The following ACOX2 variants were observed in gnomAD, a reference collection of about 807,000 sequenced individuals.
ACOX2 encodes the protein acyl-CoA oxidase 2.
In ACOX2, 59 loss-of-function variants were observed where a neutral mutation model predicts 77.5. The observed-to-expected ratio is 0.76, with a 90% CI of 0.62 to 0.95. ACOX2 has a LOEUF of 0.95. Among genes scored for constraint, ACOX2 ranks in the 40% least tolerant of loss-of-function variants. The pLI, the probability that ACOX2 is intolerant of heterozygous loss-of-function variation, is 0.00. For synonymous variants in ACOX2, 317 were observed against 340.1 expected (o/e 0.93, Z 0.75); for missense variants, 837 against 880.4 (o/e 0.95, Z 0.62).
chr3:58,513,505 A>G (rs891472233), intron 13 of ACOX2, among the ~76,000 whole-genome samples: 1 of 151,718 alleles, frequency 6.6e-6, no homozygotes, highest in African/African-American at 2.4e-5. Flanking sequence ...TGAGTTTTTC[A>G]TTTCCATTAT....
chr3:58,534,461 A>T lies in ACOX2; in HGVS notation c.222T>A (p.Asn74Lys). 1 of 1,614,176 alleles carries T rather than the reference A, an allele frequency of 6.2e-7. No homozygotes were observed. The highest frequency in any genetic ancestry group is 1.1e-5 in the South Asian group (1 of 91,080). Reference sequence around the variant, plus strand: ...TCCGCATGGCAGCCTTATAACGCTCATTCTGGGTCATGAAATAATTGTCCT... The same window carrying T: ...TCCGCATGGCAGCCTTATAACGCTCTTTCTGGGTCATGAAATAATTGTCCT... Reference protein sequence around the residue: ...SCKDNYFMTQNERYKAAMRRA... With the variant: ...SCKDNYFMTQKERYKAAMRRA... The change falls in exon 3 of 15, where the codon AAT becomes AAA. Residue 74 changes from asparagine to lysine, a missense_variant. By Grantham distance (94) the Asn-to-Lys change is moderately conservative (BLOSUM62 0). Transcript: ENST00000302819. This position sits in a 1 kb window ranked among gnomAD's most constrained non-coding sequence, Gnocchi z 4.8.
chr3:58,517,766 C>T (rs1576991351), intron 12 of ACOX2, among the ~76,000 whole-genome samples: 6 of 152,198 alleles, frequency 3.9e-5, no homozygotes, highest in Admixed American at 3.9e-4. Context: ...GACAGCACCA[C>T]TGTTCTTAAG....
At position 58,534,737 on chromosome 3, in the gene ACOX2, C is replaced by A; in HGVS notation, c.160+210G>T. The A allele has an allele frequency of 3.7e-6, 5 of 1,349,556 alleles. No homozygotes were observed. Among genetic ancestry groups the A allele is most frequent in the Non-Finnish European group, 5.1e-6 (5 of 972,312 alleles). 83.6% of individuals were successfully genotyped at this position (1,349,556 alleles called of 1,614,324 possible). On this transcript the variant is annotated intron_variant, in intron 2 of 14. Transcript: ENST00000302819. The surrounding 1 kb of genome is among the most constrained non-coding windows in gnomAD (Gnocchi z 4.8). Reference sequence around the variant, plus strand: ...ATTTTAGGACCAGAATCCAGGTCTTCTGCTGCCTAGGACTCTTCTATCCCC... The same window carrying A: ...ATTTTAGGACCAGAATCCAGGTCTTATGCTGCCTAGGACTCTTCTATCCCC...
intron 13 of ACOX2, chr3:58,511,357 G>A: frequency 2.8e-6 from 1 of 357,862 alleles, no homozygotes; most frequent in Non-Finnish European, 5.5e-6. Flanking sequence ...GTCCTGGCTG[G>A]ATGCTACTCT....
In ACOX2 at chr3:58,522,808, A is replaced by G; in HGVS notation, c.1527-207T>C. The G allele has an allele frequency of 1.9e-6, 1 of 524,090 alleles. No homozygotes were observed. Among genetic ancestry groups the G allele is most frequent in the Non-Finnish European group, 3.4e-6 (1 of 290,532 alleles). The allele number at this position is 524,090 out of a possible 1,614,324, so 32.5% of individuals were successfully genotyped here. On this transcript the variant is annotated intron_variant, in intron 11 of 14. Coordinates refer to ENST00000302819, the MANE Select transcript of ACOX2 (RefSeq NM_003500.4). The surrounding 1 kb of genome is among the most constrained non-coding windows in gnomAD (Gnocchi z 4.3). ...TGCAATGGGGAAAACTGAGTCCCAG[A>G]GAGGTTAACCAATTTGTCCAGGGTC...
chr3:58,528,795 T>C lies in ACOX2; in HGVS notation c.1154A>G (p.Glu385Gly), dbSNP rs1199618671. ...ILNQDFSFLP[E>G]LHALSTGMKA... ...TGCCCCTCCGCAGACAGCAGGTACC[T>C]CAGGCAGGAAGCTGAAGTCTTGGTT... The change falls in exon 9 of 15, where the codon GAG becomes GGG. Residue 385 changes from glutamate (E) to glycine (G), a missense_variant and splice_region_variant. Physicochemically the swap from Glu to Gly is moderately conservative, Grantham distance 98 (BLOSUM62 -2). Coordinates refer to ENST00000302819, the MANE Select transcript of ACOX2 (RefSeq NM_003500.4). This position sits in a 1 kb window ranked among gnomAD's most constrained non-coding sequence, Gnocchi z 5.6. 2 of 1,607,096 alleles carry C rather than the reference T, an allele frequency of 1.2e-6. No homozygotes were observed. Among genetic ancestry groups the C allele is most frequent in the Admixed American group, 3.4e-5 (2 of 59,040 alleles).
Position 58,522,516 on chromosome 3 carries a change from T to C in ACOX2, c.1612A>G (p.Ile538Val), listed in dbSNP as rs778819348. Residue 538 changes from isoleucine (I) to valine (V), a missense_variant, in exon 12 of 15, where the codon ATA becomes GTA. Transcript: ENST00000302819. This position sits in a 1 kb window ranked among gnomAD's most constrained non-coding sequence, Gnocchi z 4.3. ...QHEAWNQTTVIHLQAAKVHCY... is the reference protein window; with the variant it reads ...QHEAWNQTTVVHLQAAKVHCY... ...CTCACCTTAGCAGCCTGGAGGTGTA[T>C]GACAGTGGTCTGGTTCCAAGCCTCG... 2 of 1,614,180 alleles carry C rather than the reference T, an allele frequency of 1.2e-6. No homozygotes were observed. The highest frequency in any genetic ancestry group is 4.5e-5 in the East Asian group (2 of 44,880).
chr3:58,524,725 G>T lies in ACOX2; in HGVS notation c.1347-120C>A. On this transcript the variant is annotated intron_variant, in intron 10 of 14. Coordinates refer to ENST00000302819, the MANE Select transcript of ACOX2 (RefSeq NM_003500.4). The surrounding 1 kb of genome is among the most constrained non-coding windows in gnomAD (Gnocchi z 5.5). ...TTCCAGCCTTCCCGTGGGAGAGCCA[G>T]GTCACCAGGCCTCTGCCTGGCCTCC... The T allele has an allele frequency of 8.7e-7, 1 of 1,147,952 alleles. No homozygotes were observed. Among genetic ancestry groups the T allele is most frequent in the Non-Finnish European group, 1.2e-6 (1 of 821,418 alleles). The allele number at this position is 1,147,952 out of a possible 1,614,324, so 71.1% of individuals were successfully genotyped here. A position where few individuals can be genotyped will look rare whatever the true frequency, so the allele number is the denominator to read the frequency against.
chr3:58,525,379 G>T lies in ACOX2; in HGVS notation c.1347-774C>A, dbSNP rs2108002570. ...GCATAGGGAAGCATTTGCCCTGTTT[G>T]TTCACCTGAGAATAGGTGAGGATGA... On this transcript the variant is annotated intron_variant, in intron 10 of 14. Coordinates refer to ENST00000302819, the MANE Select transcript of ACOX2 (RefSeq NM_003500.4). This position sits in a 1 kb window ranked among gnomAD's most constrained non-coding sequence, Gnocchi z 5.0. Among the ~76,000 whole-genome samples the T allele has an allele frequency of 6.6e-6, 1 of 152,320 alleles. No individual in the cohort carries two copies. The highest frequency in any genetic ancestry group is 6.5e-5 in the Admixed American group (1 of 15,308).
At position 58,523,693 on chromosome 3, in the gene ACOX2, C is replaced by T. The variant is rs144279980; in HGVS notation, c.1526+733G>A. On this transcript the variant is annotated intron_variant, in intron 11 of 14. Transcript: ENST00000302819. This position sits in a 1 kb window ranked among gnomAD's most constrained non-coding sequence, Gnocchi z 5.3. The stretch of plus-strand genomic sequence containing the variant: ...CAAACTCCTGAGCTCAAGCAATCCG[C>T]CCACCTCGACCTCCCAAAGTGCTGG... 2.3e-3 allele frequency among the ~76,000 whole-genome samples: 346 copies of T among 152,240 alleles called. 2 individuals are homozygous for T. The highest frequency in any genetic ancestry group is 8.0e-3 in the African/African-American group (333 of 41,540).
At chr3:58,511,242 CAG>C (rs2063285124) in intron 13 of ACOX2, 2 of 325,492 alleles carry the variant, frequency 6.1e-6, no homozygotes, top group African/African-American at 2.2e-5. Flanking sequence ...AAATTCCCCT[CAG>C]GGGTAAAAAG....
Position 58,522,731 on chromosome 3 carries a change from G to T in ACOX2, c.1527-130C>A. ...CCACTTATGTGCCATAAAGCTAAAT[G>T]ATTGATATTTATTATCTTTTTAACT... On this transcript the variant is annotated intron_variant, in intron 11 of 14. Transcript: ENST00000302819. The surrounding 1 kb of genome is among the most constrained non-coding windows in gnomAD (Gnocchi z 4.3). 1.3e-6 allele frequency: 1 copy of T among 784,616 alleles called. No homozygotes were observed. The highest frequency in any genetic ancestry group is 2.1e-6 in the Non-Finnish European group (1 of 474,406). 48.6% of individuals were successfully genotyped at this position (784,616 alleles called of 1,614,324 possible).
Position 58,533,377 on chromosome 3 carries a change from T to G in ACOX2, c.583+68A>C. On this transcript the variant is annotated intron_variant, in intron 5 of 14. Coordinates refer to ENST00000302819, the MANE Select transcript of ACOX2 (RefSeq NM_003500.4). The surrounding 1 kb of genome is among the most constrained non-coding windows in gnomAD (Gnocchi z 5.6). ...GAGGTCTGTTGGACCTCAAAGCCAG[T>G]GCTACTCTGCCCTCCAACATTCTTC... is the stretch of plus-strand genomic sequence containing the variant. 7.7e-6 allele frequency: 11 copies of G among 1,428,590 alleles called. No homozygotes were observed. Among genetic ancestry groups the G allele is most frequent in the Non-Finnish European group, 1.1e-5 (11 of 1,018,934 alleles). The allele number at this position is 1,428,590 out of a possible 1,614,324, so 88.5% of individuals were successfully genotyped here.
rs1035555811 is a variant in ACOX2, at chr3:58,519,900, C to G, written c.1633-2477G>C. On this transcript the variant is annotated intron_variant, in intron 12 of 14. Transcript: ENST00000302819. This position sits in a 1 kb window ranked among gnomAD's most constrained non-coding sequence, Gnocchi z 5.0. ...GAACTGCGGACCCGCACTCCTTTTC[C>G]TGTCCTAATCTGAGAGCCACATCCT... Among the ~76,000 whole-genome samples, 1 of 152,268 alleles carries G rather than the reference C, an allele frequency of 6.6e-6. No homozygotes were observed.
chr3:58,526,820 T>C lies in ACOX2; in HGVS notation c.1156-164A>G. The C allele has an allele frequency of 1.4e-6, 1 of 718,734 alleles. No individual in the cohort carries two copies. Among genetic ancestry groups the C allele is most frequent in the South Asian group, 1.9e-5 (1 of 51,984 alleles). 44.5% of individuals were successfully genotyped at this position (718,734 alleles called of 1,614,324 possible). ...ATGAATGAGAAGGCGGGTACTCAGCTTATGTGACTCACCCAGAGGCACACA... is the reference window on the plus strand; with the variant it reads ...ATGAATGAGAAGGCGGGTACTCAGCCTATGTGACTCACCCAGAGGCACACA... On this transcript the variant is annotated intron_variant, in intron 9 of 14. Transcript: ENST00000302819. This position sits in a 1 kb window ranked among gnomAD's most constrained non-coding sequence, Gnocchi z 4.3.
chr3:58,510,657 A>ATAAATAAAT (rs1490117671), intron 13 of ACOX2, among the ~76,000 whole-genome samples: 1 of 33,894 alleles, frequency 3.0e-5, no homozygotes, highest in Non-Finnish European at 5.3e-5. Context: ...AAAAAAAAAA[A>ATAAATAAAT]AAAAAAATAT....
chr3:58,509,146 T>G, intron 13 of ACOX2, 121 bp from the exon 14 acceptor site: 1 of 1,219,398 alleles, frequency 8.2e-7, no homozygotes, highest in South Asian at 1.5e-5. Flanking sequence ...TTCAAACAAT[T>G]CAGCATTTTT....
At chr3:58,530,391 G>A in intron 8 of ACOX2, 75 bp downstream of exon 8, 15 of 1,554,588 alleles carry the variant, frequency 9.6e-6, no homozygotes, top group Non-Finnish European at 1.2e-5. Flanking sequence ...CTGGCAGAAG[G>A]GTGGTGTCAG....
Position 58,508,957 on chromosome 3 carries a change from C to T in ACOX2, c.1919G>A (p.Cys640Tyr). The change falls in exon 14 of 15, where the codon TGT becomes TAT. Residue 640 changes from cysteine to tyrosine, a missense_variant. By Grantham distance (194) the Cys-to-Tyr change is radical. Transcript: ENST00000302819. Reference sequence around the variant, plus strand: ...GCGTTCGTAGACGTTTCCATCATAACAGCCAAGTGCTGAATTTAAACACTG... The same window carrying T: ...GCGTTCGTAGACGTTTCCATCATAATAGCCAAGTGCTGAATTTAAACACTG... ...TDQCLNSALG[C>Y]YDGNVYERLF... The T allele has an allele frequency of 2.5e-6, 4 of 1,614,192 alleles. No individual in the cohort carries two copies. The highest frequency in any genetic ancestry group is 2.5e-6 in the Non-Finnish European group (3 of 1,180,030).
Sources: gnomAD v4.1 joint callset for allele counts (sites outside exome capture counted in the v4.1 genomes callset) on GRCh38, gnomAD v4.1.1 for gene constraint, Gnocchi (gnomAD v3.1) non-coding constraint, MANE v1.5 for transcripts, NCBI Gene and HGNC (gene_info 2026-07-23, HGNC 2026-07-21) for gene names.